Variants in NCOA4 observed in about 807,000 individuals in gnomAD.
NCOA4 encodes nuclear receptor coactivator 4.
Under a neutral mutation model 69.5 loss-of-function variants are expected in NCOA4, and 31 were observed. That is an observed-to-expected ratio of 0.45 (90% CI 0.34 to 0.60). The LOEUF (loss-of-function observed/expected upper bound fraction) is 0.60. NCOA4 is among the 20% of genes least tolerant of loss of function. NCOA4 has a pLI of 0.02. For missense variants in NCOA4, 600 were observed against 719.2 expected (o/e 0.83, Z 1.90); for synonymous variants, 228 against 252.4 (o/e 0.90, Z 0.92).
Position 46,009,357 on chromosome 10 carries a change from ATTTAT to A in NCOA4, c.1839+49_1839+53del, listed in dbSNP as rs782685786. ...TATGACTTCATATGTAAGACAAAAC[ATTTAT>A]TTTATAAATAGCTATAATCTAATTT... On this transcript the variant is annotated intron_variant, in intron 9 of 9. Coordinates refer to ENST00000581486, the MANE Select transcript of NCOA4 (RefSeq NM_001145263.2). The A allele has an allele frequency of 4.6e-5, 72 of 1,575,194 alleles. 1 individual carries two copies. The highest frequency in any genetic ancestry group is 5.7e-5 in the Non-Finnish European group (66 of 1,154,006).
intron 1 of NCOA4, among the ~76,000 whole-genome samples, chr10:46,023,022 C>G (rs1218595269): frequency 2.6e-5 from 4 of 152,218 alleles, no homozygotes; most frequent in African/African-American, 9.6e-5. Flanking sequence ...CACCTTTATA[C>G]AAGCAACTGA....
intron 1 of NCOA4, among the ~76,000 whole-genome samples, chr10:46,020,636 T>C (rs144938180): frequency 5.9e-5 from 9 of 152,318 alleles, no homozygotes; most frequent in South Asian, 2.1e-4. Flanking sequence ...TTAATAAATA[T>C]TAGATTTCCA....
At chr10:46,009,704 A>C in intron 8 of NCOA4, 153 bp from the exon 9 acceptor site, 1 of 700,936 alleles carries the variant, frequency 1.4e-6, no homozygotes, top group South Asian at 2.2e-5. Context: ...TTCTACCCCA[A>C]ATATTTTCCA....
chr10:46,009,651 G>T, intron 8 of NCOA4, 100 bp from the exon 9 acceptor site: 1 of 1,142,014 alleles, frequency 8.8e-7, no homozygotes, highest in Non-Finnish European at 1.2e-6. Context: ...TTAAATGTTG[G>T]CCATTCTCTG....
rs541031931 is a variant in NCOA4, at chr10:46,027,047, C to G, written c.-15+3479G>C. Reference sequence around the variant, plus strand: ...TTGGAAGGCCGAGGCGGGCGGATCACGAGGTCAGGTCAGGAGATCAAGACC... The same window carrying G: ...TTGGAAGGCCGAGGCGGGCGGATCAGGAGGTCAGGTCAGGAGATCAAGACC... On this transcript the variant is annotated intron_variant, in intron 1 of 9. Transcript: ENST00000581486. 1.8e-4 allele frequency among the ~76,000 whole-genome samples: 28 copies of G among 152,226 alleles called. No individual in the cohort carries two copies. The South Asian group carries it at 3.3e-3, about 18-fold the overall frequency.
At chr10:46,011,849 G>GA (rs1839228574) in intron 7 of NCOA4, among the ~76,000 whole-genome samples, 1 of 151,014 alleles carries the variant, frequency 6.6e-6, no homozygotes, top group Non-Finnish European at 1.5e-5. Flanking sequence ...GTCAGATAGA[G>GA]ACCATCCTGG....
chr10:46,029,795 A>G (rs1840359468), intron 1 of NCOA4, among the ~76,000 whole-genome samples: 1 of 152,216 alleles, frequency 6.6e-6, no homozygotes, highest in Non-Finnish European at 1.5e-5. Context: ...TTTCCCCACA[A>G]CAAGAATTTA....
intron 1 of NCOA4, among the ~76,000 whole-genome samples, chr10:46,021,524 T>C (rs1168939922): frequency 6.6e-6 from 1 of 152,230 alleles, no homozygotes; most frequent in Non-Finnish European, 1.5e-5. Context: ...GTATTTTTAC[T>C]TGCCAACACT....
At chr10:46,022,174 T>C (rs1839909184) in intron 1 of NCOA4, among the ~76,000 whole-genome samples, 1 of 152,062 alleles carries the variant, frequency 6.6e-6, no homozygotes, top group Non-Finnish European at 1.5e-5. Context: ...CCTTGCCACC[T>C]GCCCCTGCCC....
At chr10:46,007,440 A>G (rs1201825792) in intron 9 of NCOA4, among the ~76,000 whole-genome samples, 3 of 152,176 alleles carry the variant, frequency 2.0e-5, no homozygotes. Context: ...AGTTGGCTAC[A>G]CTCAACATTT....
chr10:46,030,327 T>G (rs1554926292), intron 1 of NCOA4, among the ~76,000 whole-genome samples, 199 bp downstream of exon 1: 1 of 144,486 alleles, frequency 6.9e-6, no homozygotes, highest in Non-Finnish European at 1.5e-5. Context: ...GGGCCCGGCG[T>G]GTGGCCGGAA....
chr10:46,022,561 T>A, intron 1 of NCOA4: 2 of 421,914 alleles, frequency 4.7e-6, no homozygotes, highest in Non-Finnish European at 9.6e-6. Context: ...CCCGGCTTCA[T>A]ACCATTCTCC....
At chr10:46,013,733 CCATTT>C in intron 5 of NCOA4, 94 bp from the exon 6 acceptor site, 2 of 820,736 alleles carry the variant, frequency 2.4e-6, no homozygotes, top group Non-Finnish European at 3.9e-6. Context: ...TAAAGCATTA[CCATTT>C]CATTAGAAAT....
chr10:46,014,171 C>G (rs554947653), intron 5 of NCOA4, among the ~76,000 whole-genome samples: 4 of 152,052 alleles, frequency 2.6e-5, no homozygotes, highest in African/African-American at 4.8e-5. Flanking sequence ...GGATTATAGG[C>G]GCCCAGCTAA....
chr10:46,027,784 A>G (rs1840242412), intron 1 of NCOA4, among the ~76,000 whole-genome samples: 1 of 152,180 alleles, frequency 6.6e-6, no homozygotes, highest in Non-Finnish European at 1.5e-5. Context: ...TGCTCTCTGA[A>G]CCAGCAGCAC....
At chr10:46,011,228 T>C in intron 7 of NCOA4, 22 bp from the exon 8 acceptor site, 3 of 1,552,098 alleles carry the variant, frequency 1.9e-6, no homozygotes, top group Non-Finnish European at 2.6e-6. Context: ...GTACACAGTA[T>C]TAGTTTGCCA....
rs1175438342 is a variant in NCOA4 at position 46,010,257 on chromosome 10, C to T, written c.1664G>A (p.Gly555Glu). The T allele has an allele frequency of 6.2e-7, 1 of 1,612,438 alleles. No homozygotes were observed. Among genetic ancestry groups the T allele is most frequent in the African/African-American group, 1.3e-5 (1 of 74,788 alleles). ...CTTTCGAAGCAGCCACTTGTCTTCT[C>T]CAGAAGATAACTGGCTGAGGTTGCC... Reference protein sequence around the residue: ...KMGNLSQLSSGEDKWLLRKKA... With the variant: ...KMGNLSQLSSEEDKWLLRKKA... Residue 555 changes from glycine (G) to glutamate (E), a missense_variant, in exon 8 of 10, where the codon GGA (glycine) becomes GAA (glutamate). Physicochemically the swap from Gly to Glu is moderately conservative, Grantham distance 98 (BLOSUM62 -2). Coordinates refer to ENST00000581486, the MANE Select transcript of NCOA4 (RefSeq NM_001145263.2).
intron 1 of NCOA4, among the ~76,000 whole-genome samples, chr10:46,021,279 G>C (rs1839854779): frequency 6.6e-6 from 1 of 152,056 alleles, no homozygotes; most frequent in Non-Finnish European, 1.5e-5. Flanking sequence ...CTCCTCACAA[G>C]CCTCTTTAAA....
intron 2 of NCOA4, 94 bp from the exon 3 acceptor site, chr10:46,015,360 GT>G: frequency 1.5e-6 from 1 of 651,688 alleles, no homozygotes; most frequent in Non-Finnish European, 2.5e-6. Flanking sequence ...TTTTGGGGGG[GT>G]GGGGTTGGGG....
Sources: allele counts gnomAD v4.1 joint callset (sites outside exome capture counted in the v4.1 genomes callset), GRCh38; gene constraint gnomAD v4.1.1; transcripts MANE v1.5; gene names NCBI Gene and HGNC (gene_info 2026-07-23, HGNC 2026-07-21).